TSPAN18: variants seen among roughly 807,000 people sequenced by gnomAD.
TSPAN18 encodes tetraspanin 18, also known as tetraspanin-18.
In TSPAN18, 14 loss-of-function variants were observed where a neutral mutation model predicts 27.3. That is an observed-to-expected ratio of 0.51 (90% CI 0.34 to 0.80). The LOEUF (loss-of-function observed/expected upper bound fraction) is 0.80. Ranked by LOEUF, TSPAN18 falls within the 30% of genes least tolerant of loss-of-function variation. The probability of loss-of-function intolerance (pLI) is 0.01; values close to 1 mark genes in which losing one functional copy is unlikely to be tolerated. For missense variants in TSPAN18, 268 were observed against 323.9 expected (o/e 0.83, Z 1.32); for synonymous variants, 143 against 136.5 (o/e 1.05, Z -0.33).
intron 2 of TSPAN18, among the ~76,000 whole-genome samples, chr11:44,772,108 A>G (rs1274448099): frequency 6.6e-6 from 1 of 152,212 alleles, no homozygotes; most frequent in Non-Finnish European, 1.5e-5. Flanking sequence ...TTAGGTCTCC[A>G]GTTGATTGGA....
intron 1 of TSPAN18, among the ~76,000 whole-genome samples, chr11:44,755,075 C>T (rs1855301564): frequency 6.6e-6 from 1 of 152,152 alleles, no homozygotes. Flanking sequence ...ACAGCAGTTG[C>T]ATTGAGAATA....
chr11:44,797,918 A>G (rs1340593082), intron 2 of TSPAN18, among the ~76,000 whole-genome samples: 3 of 152,158 alleles, frequency 2.0e-5, no homozygotes, highest in African/African-American at 7.2e-5. Context: ...CTCTGCCTCC[A>G]TTTCTAGAGA....
At chr11:44,773,941 G>T (rs1232628142) in intron 2 of TSPAN18, among the ~76,000 whole-genome samples, 1 of 152,162 alleles carries the variant, frequency 6.6e-6, no homozygotes, top group Non-Finnish European at 1.5e-5. Flanking sequence ...GAGGCAGTTT[G>T]GAGCCTGCGA....
chr11:44,927,554 G>A (rs1860410630), intron 9 of TSPAN18, among the ~76,000 whole-genome samples: 1 of 152,252 alleles, frequency 6.6e-6, no homozygotes, highest in Non-Finnish European at 1.5e-5. Context: ...GCGCCACGGA[G>A]TGCAGTTTCG....
chr11:44,833,188 T>C (rs1240389556), intron 2 of TSPAN18, among the ~76,000 whole-genome samples: 2 of 152,100 alleles, frequency 1.3e-5, no homozygotes, highest in African/African-American at 4.8e-5. Context: ...GGATCCTGGA[T>C]GGACACGTGA....
intron 1 of TSPAN18, among the ~76,000 whole-genome samples, chr11:44,740,199 G>A (rs1335485935): frequency 6.6e-6 from 1 of 152,194 alleles, no homozygotes; most frequent in Non-Finnish European, 1.5e-5. Context: ...CATCTTGTGG[G>A]GTGCAGGGGC....
intron 3 of TSPAN18, 82 bp from the exon 4 acceptor site, chr11:44,906,325 C>CG: frequency 7.9e-7 from 1 of 1,264,206 alleles, no homozygotes; most frequent in Non-Finnish European, 1.2e-6. Flanking sequence ...GGGCTGGCTG[C>CG]GGGGAACCCC....
chr11:44,904,387 C>T (rs1349959665), intron 3 of TSPAN18, among the ~76,000 whole-genome samples: 2 of 152,220 alleles, frequency 1.3e-5, no homozygotes, highest in Non-Finnish European at 2.9e-5. Context: ...GGGCCAGTGC[C>T]AAATCCAAAG....
intron 4 of TSPAN18, among the ~76,000 whole-genome samples, chr11:44,907,762 A>C (rs1859506427): frequency 6.6e-6 from 1 of 152,150 alleles, no homozygotes; most frequent in South Asian, 2.1e-4. Flanking sequence ...GAGACCAACG[A>C]GAGAGACACA....
intron 2 of TSPAN18, among the ~76,000 whole-genome samples, chr11:44,769,214 A>G (rs1855636098): frequency 6.6e-6 from 1 of 152,194 alleles, no homozygotes. Flanking sequence ...ATTTGTTAAT[A>G]TTGAACCAGT....
At chr11:44,734,220 CA>C (rs796187730) in intron 1 of TSPAN18, among the ~76,000 whole-genome samples, 34 of 152,112 alleles carry the variant, frequency 2.2e-4, no homozygotes, top group African/African-American at 7.7e-4. Flanking sequence ...AACCATGAGC[CA>C]AAAAAACCCT....
At position 44,931,062 on chromosome 11, in the gene TSPAN18, TCTC is replaced by T. The variant is rs144889450; in HGVS notation, c.*1890_*1892del. 0.017 allele frequency: 6,829 copies of T among 413,586 alleles called. 438 individuals are homozygous for T. The highest frequency in any genetic ancestry group is 0.13 in the African/African-American group (6,268 of 49,398). The allele number at this position is 413,586 out of a possible 1,614,324, so 25.6% of individuals were successfully genotyped here. On this transcript the variant is annotated 3_prime_UTR_variant, in exon 10 of 10. Transcript: ENST00000520358. The stretch of plus-strand genomic sequence containing the variant: ...AAGATTCAGGTGGACCCTCCTCTAA[TCTC>T]CTCCTGCTGTGCCCGCCAGTCCTTG...
intron 1 of TSPAN18, among the ~76,000 whole-genome samples, chr11:44,744,130 A>G (rs1205387518): frequency 6.6e-6 from 1 of 152,216 alleles, no homozygotes. Context: ...GTGAGACAAC[A>G]GAGGCCTCCT....
intron 3 of TSPAN18, among the ~76,000 whole-genome samples, chr11:44,863,459 C>T (rs1000075660): frequency 1.3e-5 from 2 of 152,220 alleles, no homozygotes; most frequent in African/African-American, 4.8e-5. Flanking sequence ...CCTCTTCTTC[C>T]CTGGGAAGGG....
At chr11:44,737,802 A>G (rs1202011019) in intron 1 of TSPAN18, among the ~76,000 whole-genome samples, 1 of 151,848 alleles carries the variant, frequency 6.6e-6, no homozygotes, top group Non-Finnish European at 1.5e-5. Flanking sequence ...CCCTACCTTC[A>G]TGAATGAATC....
intron 2 of TSPAN18, among the ~76,000 whole-genome samples, chr11:44,800,593 G>C (rs1046579207): frequency 6.6e-6 from 1 of 152,164 alleles, no homozygotes; most frequent in South Asian, 2.1e-4. Context: ...GGGAGGCTTC[G>C]CTCAAAGCTC....
At chr11:44,798,596 A>G (rs571444313) in intron 2 of TSPAN18, among the ~76,000 whole-genome samples, 55 of 152,282 alleles carry the variant, frequency 3.6e-4, no homozygotes, top group Non-Finnish European at 5.4e-4. Flanking sequence ...TGCTAGCTTC[A>G]GTCTGGACCC....
intron 3 of TSPAN18, among the ~76,000 whole-genome samples, chr11:44,904,543 C>T (rs1017423509): frequency 6.6e-6 from 1 of 152,240 alleles, no homozygotes; most frequent in African/African-American, 2.4e-5. Flanking sequence ...AGACCAGGAA[C>T]CTTTCCTGTG....
intron 2 of TSPAN18, among the ~76,000 whole-genome samples, chr11:44,817,678 G>A (rs1856842779): frequency 6.6e-6 from 1 of 152,254 alleles, no homozygotes; most frequent in Non-Finnish European, 1.5e-5. Context: ...GGGGTGGACA[G>A]TCACTCCACC....
Sources: gnomAD v4.1 joint callset for allele counts (sites outside exome capture counted in the v4.1 genomes callset) on GRCh38, gnomAD v4.1.1 for gene constraint, MANE v1.5 for transcripts, NCBI Gene and HGNC (gene_info 2026-07-23, HGNC 2026-07-21) for gene names.